The following SLC2A14 variants were observed in gnomAD, a reference collection of about 807,000 sequenced individuals.
SLC2A14 encodes solute carrier family 2, facilitated glucose transporter member 14.
A neutral mutation model predicts 43.0 loss-of-function variants in SLC2A14; 13 were observed. The observed-to-expected ratio is 0.30, with a 90% CI of 0.20 to 0.48. SLC2A14 has a LOEUF of 0.48. Ranked by LOEUF, SLC2A14 falls within the 20% of genes least tolerant of loss-of-function variation. SLC2A14 has a pLI of 0.99. For synonymous variants in SLC2A14, 190 were observed against 233.8 expected, an observed-to-expected ratio of 0.81 and a Z score of 1.71; for missense variants, 428 against 620.4, an observed-to-expected ratio of 0.69 and a Z score of 3.29.
At chr12:7,867,280 C>CA (rs755003596) in intron 2 of SLC2A14, among the ~76,000 whole-genome samples, 85 of 71,128 alleles carry the variant, frequency 1.2e-3, no homozygotes, top group Admixed American at 1.7e-3. Flanking sequence ...GACTCCGTCT[C>CA]AAAAAAAAAA....
intron 2 of SLC2A14, among the ~76,000 whole-genome samples, chr12:7,862,690 G>T (rs1944648377): frequency 6.6e-6 from 1 of 152,132 alleles, no homozygotes; most frequent in South Asian, 2.1e-4. Context: ...GTCTAGCTCA[G>T]GGATTGTAAA....
chr12:7,880,397 C>T (rs1443047831), intron 1 of SLC2A14, among the ~76,000 whole-genome samples: 1 of 150,822 alleles, frequency 6.6e-6, no homozygotes, highest in East Asian at 1.9e-4. Flanking sequence ...ATCGCTTGAA[C>T]CCAGGAGGCG....
intron 1 of SLC2A14, chr12:7,870,743 A>C (rs896201425): frequency 1.8e-6 from 1 of 553,036 alleles, no homozygotes; most frequent in Non-Finnish European, 2.4e-6. Flanking sequence ...ACCAAAAAAA[A>C]CCTCAGAACT....
rs3044922 is a variant in SLC2A14, at chr12:7,886,151, C to CTTTTTTTTTTTTTTTTT, written c.132+4828_132+4844dup. ...GGCATGTACCACCACGCCCGGACAG[C>CTTTTTTTTTTTTTTTTT]TTTTTTTTTTTTTTTTTTTTTTTTT... On this transcript the variant is annotated intron_variant, in intron 1 of 9. Transcript: ENST00000539924. Among the ~76,000 whole-genome samples, 16 of 44,730 alleles carry CTTTTTTTTTTTTTTTTT rather than the reference C, an allele frequency of 3.6e-4. 3 individuals carry two copies. The highest frequency in any genetic ancestry group is 2.9e-3 in the East Asian group (4 of 1,382). 29.3% of individuals were successfully genotyped at this position (44,730 alleles called of 152,430 possible). A position where few individuals can be genotyped will look rare whatever the true frequency, so the allele number is the denominator to read the frequency against.
chr12:7,874,323 C>G (rs1333718474), upstream of SLC2A14, among the ~76,000 whole-genome samples: 2 of 152,040 alleles, frequency 1.3e-5, no homozygotes, highest in African/African-American at 4.8e-5. Context: ...CATATATTCA[C>G]CAAAAAGTAG....
Position 7,831,653 on chromosome 12 carries a change from C to T in SLC2A14, c.223G>A (p.Gly75Ser). The change falls in exon 4 of 11, where the codon GGT becomes AGT. Residue 75 changes from glycine (G) to serine (S), a missense_variant. Around this residue, in one of 4 missense-constraint regions of SLC2A14, gnomAD observed 122 missense variants for 128.8 expected, o/e 0.95. Coordinates refer to ENST00000431042, the MANE Select transcript of SLC2A14 (RefSeq NM_001286234.2). ...SLSVAIFSVG[G>S]MIGSFSVGLF... is the part of the protein sequence containing the mutation. ...CCGACGGAAAAGGAGCCGATCATAC[C>T]CCCGACGGAAAATATGGCCACAGAC... 1 of 1,614,186 alleles carries T rather than the reference C, an allele frequency of 6.2e-7. No homozygotes were observed. The highest frequency in any genetic ancestry group is 8.5e-7 in the Non-Finnish European group (1 of 1,180,040).
chr12:7,817,789 T>TAGAC lies in SLC2A14; in HGVS notation c.1275+41_1275+42insGTCT, dbSNP rs747900914. The stretch of plus-strand genomic sequence containing the variant: ...ATAGATAGATAGATAGACAGATACA[T>TAGAC]AGATAGATACATAGATACATAGATA... On this transcript the variant is annotated intron_variant, in intron 10 of 10. Transcript: ENST00000431042. 592 of 1,530,222 alleles carry TAGAC rather than the reference T, an allele frequency of 3.9e-4. 2 individuals carry two copies. In the African/African-American group the frequency reaches 7.5e-3, roughly 19 times the overall value. The allele number at this position is 1,530,222 out of a possible 1,614,324, so 94.8% of individuals were successfully genotyped here.
chr12:7,868,829 G>GA, intron 2 of SLC2A14, among the ~76,000 whole-genome samples: 1 of 152,188 alleles, frequency 6.6e-6, no homozygotes, highest in African/African-American at 2.4e-5. Flanking sequence ...CCAACATGGC[G>GA]AAACCCTGTC....
At chr12:7,878,993 A>AAAAC (rs1945515836) in intron 1 of SLC2A14, among the ~76,000 whole-genome samples, 1 of 137,656 alleles carries the variant, frequency 7.3e-6, no homozygotes, top group African/African-American at 2.7e-5. Context: ...AAAAAAAAAA[A>AAAAC]AAAAAAAAAA....
chr12:7,828,617 G>A, intron 6 of SLC2A14, 87 bp downstream of exon 6: 1 of 1,374,918 alleles, frequency 7.3e-7, no homozygotes, highest in Middle Eastern at 2.0e-4. Flanking sequence ...CAGGGAAAGG[G>A]TACGACAGAA....
intron 1 of SLC2A14, among the ~76,000 whole-genome samples, chr12:7,881,424 G>C (rs1818510311): frequency 6.6e-6 from 1 of 152,030 alleles, no homozygotes; most frequent in Admixed American, 6.5e-5. Flanking sequence ...TTTAGCACCT[G>C]GGCCAGCGGC....
chr12:7,877,688 G>A (rs1230064814), upstream of SLC2A14, among the ~76,000 whole-genome samples: 1 of 152,096 alleles, frequency 6.6e-6, no homozygotes, highest in African/African-American at 2.4e-5. Flanking sequence ...GCCTCCCAAA[G>A]TGGTGGGATT....
upstream of SLC2A14, among the ~76,000 whole-genome samples, chr12:7,877,211 TG>T (rs1003870118): frequency 6.6e-6 from 1 of 152,068 alleles, no homozygotes; most frequent in African/African-American, 2.4e-5. Context: ...TTGGCCAGGC[TG>T]GTCTTGAACT....
intron 2 of SLC2A14, among the ~76,000 whole-genome samples, chr12:7,858,757 CCA>C (rs1944390203): frequency 6.6e-6 from 1 of 152,136 alleles, no homozygotes; most frequent in Admixed American, 6.5e-5. Context: ...CCTCAGCCTC[CCA>C]AAGTGCTGGG....
chr12:7,849,820 G>A (rs954699665), intron 2 of SLC2A14, among the ~76,000 whole-genome samples: 4 of 150,210 alleles, frequency 2.7e-5, no homozygotes, highest in African/African-American at 7.4e-5. Flanking sequence ...CAGGAGAATC[G>A]CTTGAACCTG....
At chr12:7,830,051 G>A in intron 4 of SLC2A14, 45 bp from the exon 5 acceptor site, 16 of 1,610,844 alleles carry the variant, frequency 9.9e-6, no homozygotes, top group Non-Finnish European at 1.4e-5. Context: ...AAAGTGAGAG[G>A]CTCCTAACTT....
At position 7,843,317 on chromosome 12, in the gene SLC2A14, G is replaced by A. The variant is rs985241741; in HGVS notation, c.19-10503C>T. Reference sequence around the variant, plus strand: ...TTTCCTGGAGGCATGGGAGGGGCACGCTGTAATGAGTGGGAATGTCACAGG... The same window carrying A: ...TTTCCTGGAGGCATGGGAGGGGCACACTGTAATGAGTGGGAATGTCACAGG... On this transcript the variant is annotated intron_variant, in intron 2 of 10. Transcript: ENST00000431042. Among the ~76,000 whole-genome samples, 5 of 149,358 alleles carry A rather than the reference G, an allele frequency of 3.3e-5. No individual in the cohort carries two copies. The Admixed American group carries it at 3.4e-4, about 10-fold the overall frequency.
rs778994423 is a variant in SLC2A14 at position 7,828,843 on chromosome 12, A to T, written c.537T>A (p.Leu179=). 1.9e-6 allele frequency: 3 copies of T among 1,614,134 alleles called. No individual in the cohort carries two copies. In the South Asian group the frequency reaches 3.3e-5, roughly 18 times the overall value. ...VAQIFGLELI[L]GSEELWPVLL... Reference sequence around the variant, plus strand: ...GCACCGGCCATAGCTCTTCAGACCCAAGGATGAGTTCCAGACCAAAGATCT... The same window carrying T: ...GCACCGGCCATAGCTCTTCAGACCCTAGGATGAGTTCCAGACCAAAGATCT... Residue 179 remains leucine (L), a synonymous_variant, in exon 6 of 11, where the codon CTT becomes CTA. Coordinates refer to ENST00000431042, the MANE Select transcript of SLC2A14 (RefSeq NM_001286234.2).
chr12:7,824,004 C>G (rs1864143817), intron 7 of SLC2A14, among the ~76,000 whole-genome samples: 1 of 152,054 alleles, frequency 6.6e-6, no homozygotes, highest in African/African-American at 2.4e-5. Flanking sequence ...GACTGTAATC[C>G]CAGCACATTG....
Sources: gnomAD v4.1 joint callset for allele counts (sites outside exome capture counted in the v4.1 genomes callset) on GRCh38, gnomAD v4.1.1 for gene constraint, gnomAD v4.1.1 regional missense constraint, MANE v1.5 for transcripts, NCBI Gene and HGNC (gene_info 2026-07-23, HGNC 2026-07-21) for gene names.